The following GLIS3 variants were observed in gnomAD, a reference collection of about 807,000 sequenced individuals.
GLIS3 encodes zinc finger protein GLIS3.
Under a neutral mutation model 78.6 loss-of-function variants are expected in GLIS3, and 53 were observed. The ratio of observed to expected loss-of-function variants is 0.67; its 90% CI spans 0.54 to 0.85. GLIS3 has a LOEUF of 0.85. Ranked by LOEUF, GLIS3 falls within the 40% of genes least tolerant of loss-of-function variation. The pLI, the probability that GLIS3 is intolerant of heterozygous loss-of-function variation, is 0.00. For synonymous variants in GLIS3, 684 were observed against 509.9 expected (o/e 1.34, Z -4.60); for missense variants, 1,703 against 1,231.1 (o/e 1.38, Z -5.74).
chr9:4,190,584 T>G (rs546542110), intron 2 of GLIS3, among the ~76,000 whole-genome samples: 1 of 149,194 alleles, frequency 6.7e-6, no homozygotes. Context: ...ACGGGGAGAA[T>G]GGAACCAAGT....
chr9:3,981,123 A>T (rs1334803656), intron 4 of GLIS3, among the ~76,000 whole-genome samples: 1 of 152,146 alleles, frequency 6.6e-6, no homozygotes, highest in Non-Finnish European at 1.5e-5. Flanking sequence ...CTTGGAGTTT[A>T]TGTCCTCATT....
chr9:4,128,744 C>T (rs1469927376), intron 2 of GLIS3, among the ~76,000 whole-genome samples: 4 of 152,212 alleles, frequency 2.6e-5, no homozygotes, highest in African/African-American at 9.6e-5. Context: ...CTGGTCAAGG[C>T]TGCCTCTGTA....
chr9:3,924,178 C>A (rs1268486674), intron 6 of GLIS3, among the ~76,000 whole-genome samples: 2 of 152,092 alleles, frequency 1.3e-5, no homozygotes, highest in African/African-American at 2.4e-5. Context: ...TCTGTATGAC[C>A]CAGAAAGACT....
chr9:3,949,167 G>T (rs1419868198), intron 4 of GLIS3, among the ~76,000 whole-genome samples: 1 of 152,130 alleles, frequency 6.6e-6, no homozygotes, highest in Non-Finnish European at 1.5e-5. Flanking sequence ...GAATCCAGTT[G>T]CTCTCTTTCT....
chr9:4,330,189 G>C (rs73386284), intron 2 of GLIS3, among the ~76,000 whole-genome samples: 9 of 152,176 alleles, frequency 5.9e-5, no homozygotes, highest in Admixed American at 4.6e-4. Context: ...GTGATGTCTG[G>C]ATTTTGCCAG....
the GLIS3 span, among the ~76,000 whole-genome samples, chr9:4,370,025 G>C: frequency 1.5e-4 from 23 of 151,744 alleles, no homozygotes; most frequent in South Asian, 4.2e-4. Flanking sequence ...AACTCCGTCT[G>C]TACTAAAAAT....
At chr9:4,415,255 T>C in the GLIS3 span, among the ~76,000 whole-genome samples, 1 of 152,178 alleles carries the variant, frequency 6.6e-6, no homozygotes, top group African/African-American at 2.4e-5. Context: ...CCTGGATTAG[T>C]GGTTAAGTTC....
At chr9:4,124,344 C>G (rs762708096) in intron 3 of GLIS3, among the ~76,000 whole-genome samples, 1 of 152,152 alleles carries the variant, frequency 6.6e-6, no homozygotes, top group Non-Finnish European at 1.5e-5. Context: ...CCTCTCTGGC[C>G]GACCCATAAA....
intron 4 of GLIS3, among the ~76,000 whole-genome samples, chr9:3,942,423 G>A (rs146368045): frequency 1.6e-3 from 238 of 152,262 alleles, no homozygotes; most frequent in African/African-American, 5.5e-3. Context: ...GAAAGGCATG[G>A]GCGGGAGGAT....
intron 4 of GLIS3, among the ~76,000 whole-genome samples, chr9:4,308,394 AGAG>A (rs1177070485): frequency 6.6e-5 from 10 of 152,292 alleles, no homozygotes; most frequent in African/African-American, 2.4e-4. Flanking sequence ...GGGTCAAAGA[AGAG>A]GAGAAGGAAG....
chr9:4,272,481 G>T (rs560724226), intron 2 of GLIS3, among the ~76,000 whole-genome samples: 1 of 152,134 alleles, frequency 6.6e-6, no homozygotes, highest in African/African-American at 2.4e-5. Context: ...ACCTCCTGCC[G>T]GGTGTGCTTG....
chr9:4,108,180 C>T (rs1460866063), intron 4 of GLIS3, among the ~76,000 whole-genome samples: 2 of 152,146 alleles, frequency 1.3e-5, no homozygotes, highest in Admixed American at 1.3e-4. Context: ...TTTCTTTCAC[C>T]TCCATTTCTC....
intron 4 of GLIS3, among the ~76,000 whole-genome samples, chr9:4,053,723 A>AAAAAAAAAAAAAG (rs33993580): frequency 6.6e-6 from 1 of 151,008 alleles, no homozygotes; most frequent in Non-Finnish European, 1.5e-5. Flanking sequence ...AAAAAAAAAA[A>AAAAAAAAAAAAAG]TTCTGGATAG....
At chr9:3,874,634 T>C (rs1484544463) in intron 8 of GLIS3, among the ~76,000 whole-genome samples, 2 of 151,986 alleles carry the variant, frequency 1.3e-5, no homozygotes, top group African/African-American at 4.8e-5. Context: ...AATCTGACAC[T>C]CTCTCCAAGT....
At chr9:4,254,839 CAAAA>C (rs751442404) in intron 2 of GLIS3, among the ~76,000 whole-genome samples, 1 of 70,028 alleles carries the variant, frequency 1.4e-5, no homozygotes. Flanking sequence ...GACTACGTCT[CAAAA>C]AAAAAAAAAA....
chr9:4,217,301 T>C (rs1245293467), intron 2 of GLIS3, among the ~76,000 whole-genome samples: 2 of 152,180 alleles, frequency 1.3e-5, no homozygotes, highest in Non-Finnish European at 2.9e-5. Context: ...TTGTAAACCA[T>C]TTGCCCTAAA....
chr9:4,338,727 G>A (rs1436736500), intron 2 of GLIS3, among the ~76,000 whole-genome samples: 1 of 152,190 alleles, frequency 6.6e-6, no homozygotes, highest in African/African-American at 2.4e-5. Context: ...CCAGCCCCAT[G>A]GGAGAAGGAG....
rs1010100826 is a variant in GLIS3, at chr9:3,825,077, C to T, written c.*3195G>A. The T allele has an allele frequency of 2.0e-5, 3 of 152,076 alleles. No individual in the cohort carries two copies. Among genetic ancestry groups the T allele is most frequent in the Non-Finnish European group, 2.9e-5 (2 of 68,026 alleles). 9.4% of individuals were successfully genotyped at this position (152,076 alleles called of 1,614,324 possible). A position where few individuals can be genotyped will look rare whatever the true frequency, so the allele number is the denominator to read the frequency against. ...AGTTACTATTCCCAATACTTCAAGG[C>T]AACTGGAAAGTCAAGGTTCTCAGAT... On this transcript the variant is annotated 3_prime_UTR_variant, in exon 11 of 11. Coordinates refer to ENST00000381971, the MANE Select transcript of GLIS3 (RefSeq NM_001042413.2).
At chr9:4,458,639 T>A in the GLIS3 span, among the ~76,000 whole-genome samples, 6 of 151,954 alleles carry the variant, frequency 3.9e-5, no homozygotes, top group African/African-American at 1.5e-4. Flanking sequence ...ATTACAAAAA[T>A]TAGCTGGGCA....
Sources: allele counts gnomAD v4.1 joint callset (sites outside exome capture counted in the v4.1 genomes callset), GRCh38; gene constraint gnomAD v4.1.1; transcripts MANE v1.5; gene names NCBI Gene and HGNC (gene_info 2026-07-23, HGNC 2026-07-21).